RGS12: variants seen among roughly 807,000 people sequenced by gnomAD.
The protein encoded by RGS12 is regulator of G-protein signaling 12.
RGS12 carries 66 observed loss-of-function variants against 120.1 expected under a neutral mutation model. The ratio of observed to expected loss-of-function variants is 0.55; its 90% confidence interval spans 0.45 to 0.67. The LOEUF (loss-of-function observed/expected upper bound fraction) is 0.67, where lower values mean the gene tolerates loss of function less well. Among genes scored for constraint, RGS12 ranks in the 30% least tolerant of loss-of-function variants. RGS12 has a pLI of 0.00. For missense variants in RGS12, 1,859 were observed against 1,957.7 expected, an observed-to-expected ratio of 0.95 and a Z score of 0.95; for synonymous variants, 827 against 804.7, an observed-to-expected ratio of 1.03 and a Z score of -0.47.
At chr4:3,439,412 G>C (rs761002659) in intron 17 of RGS12, 43 bp from the exon 18 acceptor site, 1 of 1,602,552 alleles carries the variant, frequency 6.2e-7, no homozygotes, top group Admixed American at 1.7e-5. Flanking sequence ...GGGGGCCCAG[G>C]GCCGGGCCAG....
chr4:3,292,859 T>G (rs1200614829), upstream of RGS12, among the ~76,000 whole-genome samples: 1 of 151,590 alleles, frequency 6.6e-6, no homozygotes, highest in Non-Finnish European at 1.5e-5. Flanking sequence ...TACCACGCTG[T>G]CCCGACGCGA....
intron 10 of RGS12, among the ~76,000 whole-genome samples, chr4:3,421,670 G>A (rs539018450): frequency 2.0e-5 from 3 of 152,334 alleles, no homozygotes; most frequent in East Asian, 1.9e-4. Flanking sequence ...AGTTCACCCC[G>A]TCCCACAGCC....
intron 1 of RGS12, among the ~76,000 whole-genome samples, chr4:3,311,869 T>A (rs1724421852): frequency 6.6e-6 from 1 of 152,220 alleles, no homozygotes; most frequent in African/African-American, 2.4e-5. Flanking sequence ...CGGTGACTCC[T>A]GATGGGAGGT....
At chr4:3,392,526 G>A (rs1719608143) in intron 4 of RGS12, among the ~76,000 whole-genome samples, 1 of 152,134 alleles carries the variant, frequency 6.6e-6, no homozygotes, top group Admixed American at 6.5e-5. Flanking sequence ...GCTCTATCCT[G>A]CAGTTCACTG....
intron 1 of RGS12, among the ~76,000 whole-genome samples, chr4:3,312,242 A>T (rs1022482948): frequency 7.2e-5 from 11 of 152,238 alleles, no homozygotes; most frequent in East Asian, 3.9e-4. Context: ...ATACAGTTTT[A>T]AAAAAAATTA....
rs985348657 is a variant in RGS12, at chr4:3,333,251, G to A, written c.1882-9686G>A. ...TTTTTAGTAGAGACGGGGTTTCACCGTGTTACCCAGGATGGTCTCGATCTC... is the reference window on the plus strand; with the variant it reads ...TTTTTAGTAGAGACGGGGTTTCACCATGTTACCCAGGATGGTCTCGATCTC... On this transcript the variant is annotated intron_variant, in intron 2 of 17. Coordinates refer to ENST00000336727, the MANE Select transcript of RGS12 (RefSeq NM_001394154.1). Among the ~76,000 whole-genome samples, 12 of 152,036 alleles carry A rather than the reference G, an allele frequency of 7.9e-5. No homozygotes were observed. The South Asian group carries it at 1.0e-3, about 13-fold the overall frequency.
chr4:3,406,377 G>A (rs1431709710), intron 4 of RGS12, among the ~76,000 whole-genome samples: 4 of 152,338 alleles, frequency 2.6e-5, no homozygotes, highest in South Asian at 4.1e-4. Context: ...TTTTTTCTTG[G>A]AAAATGTGGA....
chr4:3,365,370 G>A lies in RGS12; in HGVS notation c.1999-21046G>A, dbSNP rs1343273778. ...GGAGTCTGGAGGGAGGAGGGAGACA[G>A]GTGAGAGGAGGGAGGGAGGACAGGT... On this transcript the variant is annotated intron_variant, in intron 3 of 17. Coordinates refer to ENST00000336727, the MANE Select transcript of RGS12 (RefSeq NM_001394154.1). The surrounding 1 kb of genome is among the most constrained non-coding windows in gnomAD (Gnocchi z 4.0). 1.3e-5 allele frequency among the ~76,000 whole-genome samples: 2 copies of A among 152,084 alleles called. No individual in the cohort carries two copies. Among genetic ancestry groups the A allele is most frequent in the Non-Finnish European group, 2.9e-5 (2 of 67,984 alleles).
Position 3,430,474 on chromosome 4 carries a change from G to A in RGS12, c.3633G>A (p.Lys1211=). 1 of 1,613,918 alleles carries A rather than the reference G, an allele frequency of 6.2e-7. No homozygotes were observed. Among genetic ancestry groups the A allele is most frequent in the Non-Finnish European group, 8.5e-7 (1 of 1,180,020 alleles). ...RADDQRGLLR[K]EDLVLPEFLR... is the part of the protein sequence containing the mutation. The stretch of plus-strand genomic sequence containing the variant: ...ATGACCAACGTGGGCTGCTAAGGAA[G>A]GAAGACCTGGTGTTGCCAGAGTTCC... The change falls in exon 17 of 18, where the codon AAG becomes AAA. Residue 1211 remains lysine, a synonymous_variant. Transcript: ENST00000336727.
At chr4:3,342,549 A>G (rs1713344398) in intron 2 of RGS12, 5 of 1,295,988 alleles carry the variant, frequency 3.9e-6, no homozygotes, top group Non-Finnish European at 5.0e-6. Flanking sequence ...ATCTTTACTA[A>G]TCATCATACT....
chr4:3,416,837 C>T (rs773624972), intron 7 of RGS12, 76 bp from the exon 8 acceptor site: 16 of 1,391,716 alleles, frequency 1.1e-5, no homozygotes, highest in African/African-American at 2.9e-5. Flanking sequence ...GCCTACAGGT[C>T]GCCAAGCAGC....
At chr4:3,431,460 C>T in intron 17 of RGS12, 1 of 989,682 alleles carries the variant, frequency 1.0e-6, no homozygotes, top group Non-Finnish European at 1.2e-6. Flanking sequence ...CTCGGACCCA[C>T]CGGCGGCCCC....
At chr4:3,291,058 C>T (rs76208525), upstream of RGS12, among the ~76,000 whole-genome samples, 1 of 152,206 alleles carries the variant, frequency 6.6e-6, no homozygotes, top group Non-Finnish European at 1.5e-5. Flanking sequence ...GGTGACCCCT[C>T]GTATGAGCTG....
chr4:3,358,825 T>C (rs1186783127), intron 3 of RGS12, among the ~76,000 whole-genome samples: 1 of 151,342 alleles, frequency 6.6e-6, no homozygotes. Context: ...GTCAGGGTAA[T>C]ACTGTCATAG....
upstream of RGS12, among the ~76,000 whole-genome samples, chr4:3,289,264 C>T (rs577143928): frequency 1.2e-4 from 18 of 152,182 alleles, 1 homozygote; most frequent in South Asian, 1.5e-3. Flanking sequence ...AGTGCAGTGG[C>T]GCGATCTTGG....
At position 3,409,114 on chromosome 4, in the gene RGS12, G is replaced by A. The variant is rs371636140; in HGVS notation, c.2021-4958G>A. Among the ~76,000 whole-genome samples the A allele has an allele frequency of 2.2e-4, 33 of 152,248 alleles. No individual in the cohort carries two copies. In the East Asian group the frequency reaches 3.9e-3, roughly 18 times the overall value. ...CAGGAGAGGGTCTGGCACCCACACC[G>A]CCCCCAAGCCATGCCTGCATCTGCT... On this transcript the variant is annotated intron_variant, in intron 4 of 17. Transcript: ENST00000336727.
At chr4:3,363,317 ATTG>A (rs952984005) in intron 3 of RGS12, among the ~76,000 whole-genome samples, 22 of 152,112 alleles carry the variant, frequency 1.4e-4, no homozygotes, top group African/African-American at 5.3e-4. Context: ...ATAATTTTCT[ATTG>A]TTTCCGTCAT....
intron 3 of RGS12, among the ~76,000 whole-genome samples, chr4:3,371,679 G>A (rs1337141932): frequency 6.6e-6 from 1 of 152,316 alleles, no homozygotes; most frequent in African/African-American, 2.4e-5. Flanking sequence ...GTGGGTGGGC[G>A]TCTCTGCTGC....
upstream of RGS12, among the ~76,000 whole-genome samples, chr4:3,291,059 G>A (rs750097459): frequency 4.6e-5 from 7 of 152,186 alleles, no homozygotes; most frequent in Non-Finnish European, 7.3e-5. Flanking sequence ...GTGACCCCTC[G>A]TATGAGCTGC....
Sources: gnomAD v4.1 joint callset for allele counts (sites outside exome capture counted in the v4.1 genomes callset) on GRCh38, gnomAD v4.1.1 for gene constraint, Gnocchi (gnomAD v3.1) non-coding constraint, MANE v1.5 for transcripts, NCBI Gene and HGNC (gene_info 2026-07-23, HGNC 2026-07-21) for gene names.